The following AGMO variants were observed in gnomAD, a reference collection of about 807,000 sequenced individuals.
AGMO encodes alkylglycerol monooxygenase, also known as glyceryl-ether monooxygenase.
In AGMO, 75 loss-of-function variants were observed where a neutral mutation model predicts 60.2. The ratio of observed to expected loss-of-function variants is 1.25; its 90% CI spans 1.03 to 1.51. The LOEUF is 1.51. AGMO is among the 40% of genes most tolerant of loss of function. AGMO has a pLI of 0.00. For synonymous variants in AGMO, 261 were observed against 177.1 expected, an observed-to-expected ratio of 1.47 and a Z score of -3.76; for missense variants, 763 against 525.5, an observed-to-expected ratio of 1.45 and a Z score of -4.42.
At chr7:15,361,727 G>A (rs572930692) in intron 12 of AGMO, among the ~76,000 whole-genome samples, 5 of 151,904 alleles carry the variant, frequency 3.3e-5, no homozygotes, top group African/African-American at 9.7e-5. Flanking sequence ...TCTCCGCATC[G>A]AACAGTTTAT....
intron 12 of AGMO, among the ~76,000 whole-genome samples, chr7:15,299,596 C>T (rs772071220): frequency 2.6e-5 from 4 of 152,002 alleles, no homozygotes; most frequent in Non-Finnish European, 5.9e-5. Flanking sequence ...GAGGCCAAGG[C>T]GGGCAGATTG....
In AGMO at chr7:15,508,669, C is replaced by T. The variant is rs559722134; in HGVS notation, c.409+36103G>A. On this transcript the variant is annotated intron_variant, in intron 3 of 12. Coordinates refer to ENST00000342526, the MANE Select transcript of AGMO (RefSeq NM_001004320.2). Reference sequence around the variant, plus strand: ...GCTCGCACAAGACAGCCTCTGTACACTGCGCACAGTGGGAGATAGTCCACT... The same window carrying T: ...GCTCGCACAAGACAGCCTCTGTACATTGCGCACAGTGGGAGATAGTCCACT... Among the ~76,000 whole-genome samples the T allele has an allele frequency of 2.7e-3, 413 of 152,040 alleles. 1 individual carries two copies. The highest frequency in any genetic ancestry group is 8.9e-3 in the African/African-American group (370 of 41,480).
chr7:15,322,567 T>TATATATATAAATATATATAA (rs1781169923), intron 12 of AGMO, among the ~76,000 whole-genome samples: 1 of 40,068 alleles, frequency 2.5e-5, no homozygotes, highest in African/African-American at 1.3e-4. Context: ...AATATATAAA[T>TATATATATAAATATATATAA]ATATATAAAT....
chr7:15,125,300 C>T, the AGMO span, among the ~76,000 whole-genome samples: 1 of 152,094 alleles, frequency 6.6e-6, no homozygotes, highest in Non-Finnish European at 1.5e-5. Context: ...TGACTTCCTT[C>T]TTCCCTCTTC....
intron 3 of AGMO, among the ~76,000 whole-genome samples, chr7:15,463,060 A>C (rs572142663): frequency 6.6e-6 from 1 of 152,276 alleles, no homozygotes; most frequent in African/African-American, 2.4e-5. Flanking sequence ...GATAACTGGA[A>C]TAAGATATAA....
At chr7:15,148,258 T>C in the AGMO span, among the ~76,000 whole-genome samples, 1 of 152,146 alleles carries the variant, frequency 6.6e-6, no homozygotes, top group African/African-American at 2.4e-5. Context: ...ATGAGTAAAA[T>C]GTATTTTGCT....
At chr7:15,129,178 T>C in the AGMO span, among the ~76,000 whole-genome samples, 1 of 152,216 alleles carries the variant, frequency 6.6e-6, no homozygotes, top group East Asian at 1.9e-4. Flanking sequence ...GATTGCTACA[T>C]AAGTGTGGTT....
chr7:15,552,787 G>T (rs1354911930), intron 2 of AGMO, among the ~76,000 whole-genome samples: 1 of 149,946 alleles, frequency 6.7e-6, no homozygotes, highest in Non-Finnish European at 1.5e-5. Flanking sequence ...TCTAGAACTA[G>T]AAATACCATT....
intron 10 of AGMO, among the ~76,000 whole-genome samples, chr7:15,377,877 G>C (rs537826236): frequency 2.0e-5 from 3 of 152,060 alleles, no homozygotes; most frequent in African/African-American, 7.2e-5. Context: ...TGATGTTTAG[G>C]TGTGCACTGC....
intron 3 of AGMO, among the ~76,000 whole-genome samples, chr7:15,450,685 G>A (rs949588919): frequency 6.6e-6 from 1 of 152,044 alleles, no homozygotes; most frequent in African/African-American, 2.4e-5. Context: ...TATTCTGGAT[G>A]CATAAAGCTC....
the AGMO span, among the ~76,000 whole-genome samples, chr7:15,178,306 T>TA: frequency 6.6e-6 from 1 of 152,208 alleles, no homozygotes; most frequent in Non-Finnish European, 1.5e-5. Context: ...GATTGGCTGA[T>TA]ACAGAATTCT....
At chr7:15,231,881 C>A (rs1198892231) in intron 12 of AGMO, among the ~76,000 whole-genome samples, 1 of 152,098 alleles carries the variant, frequency 6.6e-6, no homozygotes, top group Non-Finnish European at 1.5e-5. Context: ...TAACACAAAT[C>A]TGACAATAAA....
At chr7:15,469,389 A>G (rs370726373) in intron 3 of AGMO, among the ~76,000 whole-genome samples, 1 of 152,160 alleles carries the variant, frequency 6.6e-6, no homozygotes, top group Admixed American at 6.6e-5. Context: ...ATATGTAAAA[A>G]CAAAACAGCA....
chr7:15,438,136 TATC>T (rs1292115857), intron 3 of AGMO, among the ~76,000 whole-genome samples: 3 of 152,088 alleles, frequency 2.0e-5, no homozygotes, highest in African/African-American at 7.2e-5. Flanking sequence ...CTTAAGAATT[TATC>T]ATCTTTTCAA....
intron 9 of AGMO, among the ~76,000 whole-genome samples, chr7:15,387,149 G>C (rs1272185773): frequency 6.6e-6 from 1 of 152,202 alleles, no homozygotes; most frequent in Non-Finnish European, 1.5e-5. Flanking sequence ...AAGTCGATAT[G>C]AAAACCAGCC....
intron 12 of AGMO, among the ~76,000 whole-genome samples, chr7:15,352,447 G>GT (rs564021801): frequency 0.05 from 6,718 of 135,086 alleles, 175 homozygotes; most frequent in African/African-American, 0.075. Flanking sequence ...CCAGAAGTAT[G>GT]TTTTTTTTTT....
At chr7:15,271,318 T>C (rs1783604457) in intron 12 of AGMO, among the ~76,000 whole-genome samples, 1 of 152,160 alleles carries the variant, frequency 6.6e-6, no homozygotes. Flanking sequence ...ATTTTTCCAT[T>C]TGTTTATGTC....
chr7:15,279,925 C>G (rs563674702), intron 12 of AGMO, among the ~76,000 whole-genome samples: 2 of 152,122 alleles, frequency 1.3e-5, no homozygotes, highest in Admixed American at 1.3e-4. Context: ...CAGCATGGAC[C>G]GAGGGAAGTT....
At chr7:15,208,742 AG>A (rs1781502962) in intron 12 of AGMO, among the ~76,000 whole-genome samples, 1 of 152,218 alleles carries the variant, frequency 6.6e-6, no homozygotes, top group East Asian at 1.9e-4. Flanking sequence ...TCTGTAAATA[AG>A]TTCTAGCTAC....
Sources: allele counts gnomAD v4.1 joint callset (sites outside exome capture counted in the v4.1 genomes callset), GRCh38; gene constraint gnomAD v4.1.1; transcripts MANE v1.5; gene names NCBI Gene and HGNC (gene_info 2026-07-23, HGNC 2026-07-21).